Variants in ARSJ observed in about 807,000 individuals in gnomAD.
ARSJ encodes arylsulfatase J.
A neutral mutation model predicts 35.9 loss-of-function variants in ARSJ; 26 were observed. The observed-to-expected ratio is 0.72, with a 90% CI of 0.53 to 1.00. The LOEUF (loss-of-function observed/expected upper bound fraction) is 1.00. Among genes scored for constraint, ARSJ ranks in the 50% least tolerant of loss-of-function variants. The probability of loss-of-function intolerance (pLI) is 0.00; values close to 1 mark genes in which losing one functional copy is unlikely to be tolerated. For missense variants in ARSJ, 667 were observed against 723.6 expected, an observed-to-expected ratio of 0.92 and a Z score of 0.90; for synonymous variants, 294 against 267.6, an observed-to-expected ratio of 1.10 and a Z score of -0.96.
intron 1 of ARSJ, among the ~76,000 whole-genome samples, chr4:113,937,976 G>A (rs749253621): frequency 6.6e-6 from 1 of 151,958 alleles, no homozygotes; most frequent in Non-Finnish European, 1.5e-5. Flanking sequence ...GTAATTTGCA[G>A]ATTCAATGCT....
At chr4:113,941,342 C>A (rs770194646) in intron 1 of ARSJ, among the ~76,000 whole-genome samples, 3 of 151,954 alleles carry the variant, frequency 2.0e-5, no homozygotes, top group African/African-American at 4.8e-5. Flanking sequence ...ACAAGAGTCA[C>A]TTCTTTATAT....
At chr4:113,970,966 A>C (rs1215620052) in intron 1 of ARSJ, 1 of 152,208 alleles carries the variant, frequency 6.6e-6, no homozygotes, top group Non-Finnish European at 1.5e-5. Context: ...AAAAACAGTA[A>C]AAAAATAAAA....
chr4:113,908,958 A>G (rs1380869041), intron 1 of ARSJ, among the ~76,000 whole-genome samples: 1 of 152,130 alleles, frequency 6.6e-6, no homozygotes, highest in Non-Finnish European at 1.5e-5. Context: ...TTTTCTAAAC[A>G]ATCTCTTCTA....
chr4:113,926,564 G>A (rs1724079773), intron 1 of ARSJ, among the ~76,000 whole-genome samples: 1 of 152,118 alleles, frequency 6.6e-6, no homozygotes, highest in Admixed American at 6.6e-5. Context: ...GGAGGTAGGA[G>A]GAAGGCAGGG....
At chr4:113,923,086 G>T (rs989306895) in intron 1 of ARSJ, among the ~76,000 whole-genome samples, 1 of 152,284 alleles carries the variant, frequency 6.6e-6, no homozygotes, top group South Asian at 2.1e-4. Context: ...GACTTGCACT[G>T]CTGCATTGGG....
intron 1 of ARSJ, among the ~76,000 whole-genome samples, chr4:113,936,972 G>A (rs1724804338): frequency 1.3e-5 from 2 of 151,842 alleles, no homozygotes. Context: ...GCAGCTAAGA[G>A]CCTGCAATCT....
chr4:113,962,145 A>T lies in ARSJ; in HGVS notation c.398+16292T>A, dbSNP rs78385958. ...TGAAGTAAGGGAGAATGGTGAATTC[A>T]CCCAGTTCATTCAACTCTGGGACAG... On this transcript the variant is annotated intron_variant, in intron 1 of 1. Coordinates refer to ENST00000315366, the MANE Select transcript of ARSJ (RefSeq NM_024590.4). Among the ~76,000 whole-genome samples the T allele has an allele frequency of 0.013, 1,938 of 152,050 alleles. 105 individuals are homozygous for T. In the East Asian group the frequency reaches 0.14, roughly 11 times the overall value.
chr4:113,910,531 T>C (rs560426777), intron 1 of ARSJ, among the ~76,000 whole-genome samples: 1 of 152,328 alleles, frequency 6.6e-6, no homozygotes, highest in Admixed American at 6.5e-5. Context: ...TGGATATTTA[T>C]GTAGGAAGAA....
intron 1 of ARSJ, among the ~76,000 whole-genome samples, chr4:113,927,558 C>A (rs919835453): frequency 2.6e-5 from 4 of 152,174 alleles, no homozygotes; most frequent in Admixed American, 2.6e-4. Context: ...CAGCTGAAGG[C>A]AAATTGCTTC....
At chr4:113,947,676 T>C (rs1459636035) in intron 1 of ARSJ, among the ~76,000 whole-genome samples, 1 of 151,924 alleles carries the variant, frequency 6.6e-6, no homozygotes, top group Non-Finnish European at 1.5e-5. Context: ...TTTATCTTCA[T>C]TGGGTAGAGA....
chr4:113,933,081 C>G (rs1167003472), intron 1 of ARSJ, among the ~76,000 whole-genome samples: 1 of 151,706 alleles, frequency 6.6e-6, no homozygotes, highest in African/African-American at 2.4e-5. Context: ...TTACAGACAA[C>G]TTTATGCCAA....
intron 1 of ARSJ, among the ~76,000 whole-genome samples, chr4:113,924,742 T>A (rs962148093): frequency 5.3e-5 from 8 of 152,160 alleles, no homozygotes; most frequent in African/African-American, 1.9e-4. Context: ...ATGAAGATAT[T>A]TTCTTAGCAT....
chr4:113,939,385 C>A (rs1462673681), intron 1 of ARSJ, among the ~76,000 whole-genome samples: 1 of 151,290 alleles, frequency 6.6e-6, no homozygotes, highest in Non-Finnish European at 1.5e-5. Flanking sequence ...GTGCATGTGT[C>A]TTTATAGCAG....
rs759935435 is a variant in ARSJ at position 113,978,873 on chromosome 4, C to T, written c.-39G>A. 1 of 1,540,618 alleles carries T rather than the reference C, an allele frequency of 6.5e-7. No individual in the cohort carries two copies. Among genetic ancestry groups the T allele is most frequent in the Non-Finnish European group, 8.7e-7 (1 of 1,148,056 alleles). ...AGGTGAGACTCCACGCGGAGAACCA[C>T]GCGCCCCGCGCCGCTGCGGGCGCAC... is the stretch of plus-strand genomic sequence containing the variant. On this transcript the variant is annotated 5_prime_UTR_variant, in exon 1 of 2. In the 5' UTR this introduces an upstream ATG that the reference lacks. Transcript: ENST00000315366.
intron 1 of ARSJ, among the ~76,000 whole-genome samples, chr4:113,933,489 A>C (rs1724583753): frequency 6.6e-6 from 1 of 151,916 alleles, no homozygotes. Context: ...CCTCATTAAA[A>C]AGGTTTTCAC....
chr4:113,906,264 T>C (rs913544877), intron 1 of ARSJ, among the ~76,000 whole-genome samples: 2 of 152,178 alleles, frequency 1.3e-5, no homozygotes, highest in Non-Finnish European at 2.9e-5. Flanking sequence ...GGTAAACCAG[T>C]TAAGCATTTC....
At chr4:113,940,783 A>G (rs78925292) in intron 1 of ARSJ, among the ~76,000 whole-genome samples, 3,035 of 152,136 alleles carry the variant, frequency 0.02, 113 homozygotes, top group African/African-American at 0.069. Context: ...TTCAACATGG[A>G]TTAAAATTTT....
intron 1 of ARSJ, among the ~76,000 whole-genome samples, chr4:113,931,927 G>T (rs987463105): frequency 6.6e-6 from 1 of 151,888 alleles, no homozygotes; most frequent in Non-Finnish European, 1.5e-5. Flanking sequence ...ACTATGACTG[G>T]AACTGTATAC....
chr4:113,979,042 C>T lies in ARSJ; in HGVS notation c.-208G>A, dbSNP rs7690197. The T allele has an allele frequency of 0.025, 12,887 of 508,448 alleles. 1,086 individuals are homozygous for T. Among genetic ancestry groups the T allele is most frequent in the African/African-American group, 0.2 (10,331 of 51,968 alleles). The allele number at this position is 508,448 out of a possible 1,614,324, so 31.5% of individuals were successfully genotyped here. A position where few individuals can be genotyped will look rare whatever the true frequency, so the allele number is the denominator to read the frequency against. On this transcript the variant is annotated 5_prime_UTR_variant, in exon 1 of 2. Coordinates refer to ENST00000315366, the MANE Select transcript of ARSJ (RefSeq NM_024590.4). ...TCCGGAAGAACAAGGAGGGCTCGCT[C>T]TTCTCCAGCACATTTCACTTTCTCC...
Sources: gnomAD v4.1 joint callset for allele counts (sites outside exome capture counted in the v4.1 genomes callset) on GRCh38, gnomAD v4.1.1 for gene constraint, MANE v1.5 for transcripts, NCBI Gene and HGNC (gene_info 2026-07-23, HGNC 2026-07-21) for gene names.